The following CEP112 variants were observed in gnomAD, a reference collection of about 807,000 sequenced individuals.
CEP112 encodes the protein centrosomal protein 112.
A neutral mutation model predicts 153.0 loss-of-function variants in CEP112; 127 were observed. The observed-to-expected ratio is 0.83, with a 90% CI of 0.72 to 0.96. The LOEUF is 0.96. Ranked by LOEUF, CEP112 falls within the 40% of genes least tolerant of loss-of-function variation. The pLI, the probability that CEP112 is intolerant of heterozygous loss-of-function variation, is 0.00. For missense variants in CEP112, 1,089 were observed against 1,101.2 expected (o/e 0.99, Z 0.16); for synonymous variants, 358 against 374.4 (o/e 0.96, Z 0.51).
intron 20 of CEP112, chr17:65,872,945 T>A (rs1174993076): frequency 1.3e-5 from 2 of 152,222 alleles, no homozygotes; most frequent in Non-Finnish European, 2.9e-5. Flanking sequence ...ACTAGTTGCA[T>A]GTTGTACTTA....
chr17:66,053,797 T>G lies in CEP112; in HGVS notation c.1157A>C (p.Glu386Ala). 1 of 1,613,416 alleles carries G rather than the reference T, an allele frequency of 6.2e-7. No individual in the cohort carries two copies. The highest frequency in any genetic ancestry group is 1.1e-5 in the South Asian group (1 of 90,896). Residue 386 changes from glutamate (E) to alanine (A), a missense_variant, in exon 12 of 27, where the codon GAG (glutamate) becomes GCG (alanine). By Grantham distance (107) the Glu-to-Ala change is moderately radical (BLOSUM62 -1). Coordinates refer to ENST00000535342, the MANE Select transcript of CEP112 (RefSeq NM_001199165.4). Reference protein sequence around the residue: ...QHTENIQELLEDTNVRLNKME... With the variant: ...QHTENIQELLADTNVRLNKME... ...TTTATTCAGACGCACATTTGTATCCTCAAGCAATTCTTGAATGTTTTCAGT... is the reference window on the plus strand; with the variant it reads ...TTTATTCAGACGCACATTTGTATCCGCAAGCAATTCTTGAATGTTTTCAGT...
chr17:66,005,637 T>G (rs1490332366), intron 17 of CEP112, 53 bp downstream of exon 17: 17 of 1,569,426 alleles, frequency 1.1e-5, no homozygotes, highest in African/African-American at 4.1e-5. Context: ...TTAATTTGGC[T>G]CACAGTTTAA....
intron 17 of CEP112, among the ~76,000 whole-genome samples, chr17:66,004,492 A>G (rs1383713793): frequency 6.6e-6 from 1 of 152,132 alleles, no homozygotes; most frequent in Non-Finnish European, 1.5e-5. Flanking sequence ...CCCCATCTCA[A>G]AAAAAGAAAG....
At chr17:65,916,604 T>A (rs2060502763) in intron 19 of CEP112, among the ~76,000 whole-genome samples, 1 of 151,632 alleles carries the variant, frequency 6.6e-6, no homozygotes. Flanking sequence ...TGGAGTGCAG[T>A]GGTGCTATCA....
intron 20 of CEP112, among the ~76,000 whole-genome samples, chr17:65,896,472 T>G (rs1278295660): frequency 6.6e-6 from 1 of 152,032 alleles, no homozygotes; most frequent in Non-Finnish European, 1.5e-5. Context: ...AAAGCAGCAT[T>G]TTCCTATATT....
intron 17 of CEP112, among the ~76,000 whole-genome samples, chr17:65,962,423 T>C (rs2062238250): frequency 6.6e-6 from 1 of 152,198 alleles, no homozygotes; most frequent in African/African-American, 2.4e-5. Flanking sequence ...AACCATCTCA[T>C]TTCTTCATAC....
intron 21 of CEP112, among the ~76,000 whole-genome samples, chr17:65,848,792 T>C (rs534624964): frequency 6.6e-6 from 1 of 152,332 alleles, no homozygotes; most frequent in South Asian, 2.1e-4. Flanking sequence ...CTGATCGATT[T>C]ATATTTAACC....
At chr17:65,802,147 C>A (rs928472078) in intron 21 of CEP112, among the ~76,000 whole-genome samples, 1 of 152,080 alleles carries the variant, frequency 6.6e-6, no homozygotes, top group African/African-American at 2.4e-5. Context: ...TAGTGGTCAG[C>A]TAATGATTGG....
At chr17:65,791,141 G>A (rs1303081625) in intron 21 of CEP112, among the ~76,000 whole-genome samples, 2 of 151,988 alleles carry the variant, frequency 1.3e-5, no homozygotes, top group East Asian at 1.9e-4. Context: ...TAGATTTCAC[G>A]AGAGGAAAAA....
At chr17:65,908,419 G>A (rs375250960) in intron 19 of CEP112, among the ~76,000 whole-genome samples, 4 of 103,544 alleles carry the variant, frequency 3.9e-5, no homozygotes, top group South Asian at 7.5e-4. Flanking sequence ...AAAAGGGACC[G>A]GGGCAGTGGC....
intron 17 of CEP112, among the ~76,000 whole-genome samples, chr17:65,991,048 G>A (rs1332301599): frequency 1.3e-5 from 2 of 152,226 alleles, no homozygotes; most frequent in Non-Finnish European, 2.9e-5. Flanking sequence ...GCTCTGAGAT[G>A]TCCTGGCTTC....
At chr17:65,999,453 G>A (rs1367671239) in intron 17 of CEP112, among the ~76,000 whole-genome samples, 3 of 151,908 alleles carry the variant, frequency 2.0e-5, no homozygotes, top group East Asian at 1.9e-4. Flanking sequence ...TGCCCACCTC[G>A]GCCTCCCAAA....
At chr17:65,710,910 G>A (rs11868651) in intron 23 of CEP112, among the ~76,000 whole-genome samples, 51,841 of 152,086 alleles carry the variant, frequency 0.34, 9,305 homozygotes, top group Middle Eastern at 0.48. Flanking sequence ...AAAACTGGGC[G>A]CTTCTGTCTA....
chr17:66,143,732 A>G (rs894415682), intron 4 of CEP112, among the ~76,000 whole-genome samples: 3 of 152,214 alleles, frequency 2.0e-5, no homozygotes, highest in Non-Finnish European at 2.9e-5. Flanking sequence ...AAAACTATTC[A>G]GCTGAAAGCA....
rs564900503 is a variant in CEP112, at chr17:66,149,568, G to T, written c.471-16805C>A. Among the ~76,000 whole-genome samples the T allele has an allele frequency of 2.6e-3, 400 of 152,156 alleles. 2 individuals are homozygous for T. Among genetic ancestry groups the T allele is most frequent in the African/African-American group, 8.9e-3 (368 of 41,510 alleles). On this transcript the variant is annotated intron_variant, in intron 4 of 26. Transcript: ENST00000535342. ...ATTTAGTCTTGGTAGGTCATGTGTTGTGAGAAATTTGTTCATTTCACCTAG... is the reference window on the plus strand; with the variant it reads ...ATTTAGTCTTGGTAGGTCATGTGTTTTGAGAAATTTGTTCATTTCACCTAG...
chr17:65,750,863 C>A, intron 21 of CEP112, 139 bp from the exon 22 acceptor site: 8 of 603,672 alleles, frequency 1.3e-5, no homozygotes, highest in Middle Eastern at 2.9e-4. Flanking sequence ...CAGGGCTTGT[C>A]TTTGATGTTA....
chr17:65,753,213 T>C (rs1286394471), intron 21 of CEP112, among the ~76,000 whole-genome samples: 2 of 152,308 alleles, frequency 1.3e-5, no homozygotes, highest in South Asian at 4.1e-4. Context: ...TCTATGGTAG[T>C]ACTAAGGCTG....
chr17:65,725,944 C>G (rs912847617), intron 23 of CEP112, among the ~76,000 whole-genome samples: 1 of 152,134 alleles, frequency 6.6e-6, no homozygotes, highest in Admixed American at 6.5e-5. Flanking sequence ...CCGTATCAGC[C>G]ACCATGTCAG....
chr17:65,965,688 A>C (rs377053237), intron 17 of CEP112, among the ~76,000 whole-genome samples: 1 of 151,654 alleles, frequency 6.6e-6, no homozygotes, highest in Non-Finnish European at 1.5e-5. Context: ...CCCCTGGCTA[A>C]TTTTTTTCTT....
Sources: allele counts gnomAD v4.1 joint callset (sites outside exome capture counted in the v4.1 genomes callset), GRCh38; gene constraint gnomAD v4.1.1; transcripts MANE v1.5; gene names NCBI Gene and HGNC (gene_info 2026-07-23, HGNC 2026-07-21).